SMAD9: variants seen among roughly 807,000 people sequenced by gnomAD.
SMAD9 encodes the protein MAD homolog 9.
Under a neutral mutation model 46.1 loss-of-function variants are expected in SMAD9, and 36 were observed. That is an observed-to-expected ratio of 0.78 (90% CI 0.60 to 1.03). SMAD9 has a LOEUF of 1.03. Among genes scored for constraint, SMAD9 ranks in the 50% least tolerant of loss-of-function variants. SMAD9 has a pLI of 0.00. For synonymous variants in SMAD9, 245 were observed against 237.1 expected (o/e 1.03, Z -0.31); for missense variants, 572 against 599.8 (o/e 0.95, Z 0.48).
chr13:36,853,419 C>T lies in SMAD9; in HGVS notation c.1260G>A (p.Lys420=). The T allele has an allele frequency of 6.2e-7, 1 of 1,613,860 alleles. No homozygotes were observed. The highest frequency in any genetic ancestry group is 8.5e-7 in the Non-Finnish European group (1 of 1,180,006). The stretch of plus-strand genomic sequence containing the variant: ...TAACGTGATAGCAAGCACTCCTTAC[C>T]TTAACAAAACTCATCCGGATAGTAC... The part of the protein sequence containing the change: ...KMCTIRMSFV[K]GWGAEYHRQD... Residue 420 remains lysine, a splice_region_variant and synonymous_variant, in exon 6 of 7, where the codon AAG becomes AAA. Coordinates refer to ENST00000379826, the MANE Select transcript of SMAD9 (RefSeq NM_001127217.3).
At chr13:36,897,983 A>G (rs1444489960) in intron 1 of SMAD9, among the ~76,000 whole-genome samples, 1 of 151,016 alleles carries the variant, frequency 6.6e-6, no homozygotes, top group African/African-American at 2.4e-5. Context: ...CAGCCTCCCG[A>G]GTAGCTAGGA....
In SMAD9 at chr13:36,885,543, A is replaced by T. The variant is rs959742842; in HGVS notation, c.-186-5668T>A. 2.0e-5 allele frequency among the ~76,000 whole-genome samples: 3 copies of T among 152,188 alleles called. No individual in the cohort carries two copies. In the East Asian group the frequency reaches 5.8e-4, roughly 29 times the overall value. ...TTTAGTACCATGCAGTTGGATACACATAGAAATGGTATCATAATTTCACCT... is the reference window on the plus strand; with the variant it reads ...TTTAGTACCATGCAGTTGGATACACTTAGAAATGGTATCATAATTTCACCT... On this transcript the variant is annotated intron_variant, in intron 1 of 6. Transcript: ENST00000379826.
intron 2 of SMAD9, among the ~76,000 whole-genome samples, chr13:36,877,846 T>G (rs1171186858): frequency 1.3e-5 from 2 of 152,082 alleles, no homozygotes; most frequent in Non-Finnish European, 2.9e-5. Context: ...AAGACTGAGG[T>G]AGGCTGGGCA....
At chr13:36,852,595 C>T (rs1205920103) in intron 6 of SMAD9, 8 of 981,954 alleles carry the variant, frequency 8.1e-6, no homozygotes, top group African/African-American at 3.5e-5. Context: ...TAATCACACC[C>T]GTTTCTATTC....
chr13:36,887,844 G>A (rs1467747933), intron 1 of SMAD9, among the ~76,000 whole-genome samples: 1 of 152,132 alleles, frequency 6.6e-6, no homozygotes, highest in Non-Finnish European at 1.5e-5. Flanking sequence ...GGATGATGAG[G>A]GTGTTCCCTC....
chr13:36,900,712 CACACACACACACACAT>C (rs1174545856), intron 1 of SMAD9, among the ~76,000 whole-genome samples: 1 of 151,102 alleles, frequency 6.6e-6, no homozygotes, highest in African/African-American at 2.4e-5. Context: ...CACACACACA[CACACACACACACACAT>C]AAATGTAAAT....
intron 1 of SMAD9, among the ~76,000 whole-genome samples, chr13:36,903,126 G>T (rs909850890): frequency 1.3e-4 from 16 of 127,618 alleles, no homozygotes; most frequent in African/African-American, 3.5e-4. Flanking sequence ...TTTTCTTTTG[G>T]TTTTTTTTTT....
intron 1 of SMAD9, among the ~76,000 whole-genome samples, chr13:36,904,893 G>A (rs766313720): frequency 6.6e-6 from 1 of 152,172 alleles, no homozygotes; most frequent in African/African-American, 2.4e-5. Flanking sequence ...GTGGTGCCTA[G>A]GATATAGTAG....
At chr13:36,898,331 G>A (rs2058546392) in intron 1 of SMAD9, among the ~76,000 whole-genome samples, 1 of 152,052 alleles carries the variant, frequency 6.6e-6, no homozygotes, top group African/African-American at 2.4e-5. Flanking sequence ...TTTCACTGGA[G>A]AGCTCTATCA....
intron 1 of SMAD9, among the ~76,000 whole-genome samples, chr13:36,919,746 CG>C (rs2058727152): frequency 6.7e-6 from 1 of 149,574 alleles, no homozygotes; most frequent in Non-Finnish European, 1.5e-5. Context: ...GCCCGCGGCG[CG>C]GGCGGATGCA....
At chr13:36,902,393 T>C (rs910965069) in intron 1 of SMAD9, among the ~76,000 whole-genome samples, 2 of 152,216 alleles carry the variant, frequency 1.3e-5, no homozygotes, top group African/African-American at 4.8e-5. Context: ...CCACACTATT[T>C]TGATTACTGT....
At chr13:36,893,927 TTC>T (rs1321108608) in intron 1 of SMAD9, among the ~76,000 whole-genome samples, 2 of 152,166 alleles carry the variant, frequency 1.3e-5, no homozygotes, top group East Asian at 1.9e-4. Context: ...GTGCTACATA[TTC>T]TTTTGAATGT....
chr13:36,894,335 C>G (rs967500147), intron 1 of SMAD9, among the ~76,000 whole-genome samples: 1 of 152,104 alleles, frequency 6.6e-6, no homozygotes, highest in Non-Finnish European at 1.5e-5. Context: ...GGGGTTTCCT[C>G]TTTCGCTTGG....
At chr13:36,892,700 A>G (rs1395505188) in intron 1 of SMAD9, among the ~76,000 whole-genome samples, 5 of 152,234 alleles carry the variant, frequency 3.3e-5, no homozygotes, top group African/African-American at 1.2e-4. Flanking sequence ...CTTATCAGTG[A>G]TGCTTAACTT....
chr13:36,893,623 CAA>C (rs1351484397), intron 1 of SMAD9, among the ~76,000 whole-genome samples: 1 of 151,284 alleles, frequency 6.6e-6, no homozygotes, highest in African/African-American at 2.4e-5. Flanking sequence ...ATGATATCCA[CAA>C]AGATTAATCT....
chr13:36,916,999 C>A (rs2058703384), intron 1 of SMAD9, among the ~76,000 whole-genome samples: 1 of 151,898 alleles, frequency 6.6e-6, no homozygotes, highest in Non-Finnish European at 1.5e-5. Context: ...GGAAGATAAG[C>A]CTGGAAAAGT....
intron 6 of SMAD9, among the ~76,000 whole-genome samples, chr13:36,851,058 A>G (rs1367879142): frequency 2.0e-5 from 3 of 152,132 alleles, no homozygotes; most frequent in Non-Finnish European, 2.9e-5. Flanking sequence ...TGCCTGTATA[A>G]TATCTATCCT....
At chr13:36,851,811 TC>T in intron 6 of SMAD9, 1 of 981,112 alleles carries the variant, frequency 1.0e-6, no homozygotes, top group Non-Finnish European at 1.2e-6. Context: ...GTCTTCTGTG[TC>T]AATTGTGTAG....
chr13:36,908,659 G>A (rs1332727742), intron 1 of SMAD9, among the ~76,000 whole-genome samples: 2 of 152,114 alleles, frequency 1.3e-5, no homozygotes, highest in Non-Finnish European at 2.9e-5. Flanking sequence ...TCCTGAATTT[G>A]GGTATACTGT....
Sources: gnomAD v4.1 joint callset for allele counts (sites outside exome capture counted in the v4.1 genomes callset) on GRCh38, gnomAD v4.1.1 for gene constraint, MANE v1.5 for transcripts, NCBI Gene and HGNC (gene_info 2026-07-23, HGNC 2026-07-21) for gene names.